CLASP1: variants seen among roughly 807,000 people sequenced by gnomAD.
CLASP1 encodes cytoplasmic linker associated protein 1.
A neutral mutation model predicts 192.3 loss-of-function variants in CLASP1; 38 were observed. The observed-to-expected ratio is 0.20, with a 90% CI of 0.15 to 0.26. The LOEUF (loss-of-function observed/expected upper bound fraction) is 0.26, where lower values mean the gene tolerates loss of function less well. CLASP1 is among the 10% of genes least tolerant of loss of function. The pLI is 1.00. For missense variants in CLASP1, 1,433 were observed against 1,932.5 expected (o/e 0.74, Z 4.85); for synonymous variants, 691 against 712.8 (o/e 0.97, Z 0.49).
chr2:121,396,106 A>G (rs1409503247), intron 30 of CLASP1, among the ~76,000 whole-genome samples: 2 of 152,172 alleles, frequency 1.3e-5, no homozygotes, highest in African/African-American at 4.8e-5. Flanking sequence ...GAGCTCAGAA[A>G]TCTATGTTGA....
intron 2 of CLASP1, chr2:121,531,124 G>C (rs749350798): frequency 1.1e-5 from 7 of 626,058 alleles, no homozygotes; most frequent in African/African-American, 3.6e-5. Context: ...AGTGTCGCAA[G>C]TAAAGTTCTT....
chr2:121,445,323 A>G, intron 19 of CLASP1: 1 of 438,638 alleles, frequency 2.3e-6, no homozygotes, highest in Admixed American at 3.1e-5. Context: ...AGAGAGGAGG[A>G]ACTAGAAGCT....
chr2:121,460,444 G>A (rs973985709), intron 11 of CLASP1, among the ~76,000 whole-genome samples: 5 of 151,900 alleles, frequency 3.3e-5, no homozygotes, highest in Non-Finnish European at 5.9e-5. Flanking sequence ...AAAACTTTTG[G>A]CTTGTGAAAA....
chr2:121,639,626 G>A (rs2071628776), intron 1 of CLASP1, among the ~76,000 whole-genome samples: 1 of 152,096 alleles, frequency 6.6e-6, no homozygotes, highest in South Asian at 2.1e-4. Flanking sequence ...TCTGGGAGGG[G>A]AACAAGGCAG....
At chr2:121,601,340 T>C (rs2063760159) in intron 2 of CLASP1, among the ~76,000 whole-genome samples, 1 of 151,702 alleles carries the variant, frequency 6.6e-6, no homozygotes, top group African/African-American at 2.4e-5. Flanking sequence ...TGCCATGATC[T>C]TGGCTCACTG....
chr2:121,535,806 G>A (rs572883021), intron 2 of CLASP1, among the ~76,000 whole-genome samples: 5 of 151,730 alleles, frequency 3.3e-5, no homozygotes, highest in South Asian at 2.1e-4. Context: ...CTACAGGCGC[G>A]TGCCAACACA....
At chr2:121,544,659 A>G (rs566352195) in intron 2 of CLASP1, among the ~76,000 whole-genome samples, 3 of 152,270 alleles carry the variant, frequency 2.0e-5, no homozygotes, top group Admixed American at 2.0e-4. Flanking sequence ...AGAGACGAAC[A>G]AGCTGTTAGA....
intron 2 of CLASP1, chr2:121,532,851 G>T (rs888569995): frequency 1.3e-5 from 2 of 152,116 alleles, no homozygotes; most frequent in Admixed American, 6.5e-5. Flanking sequence ...ATAATAATGA[G>T]ATATTTGTAA....
chr2:121,407,239 A>G (rs1258971625), intron 25 of CLASP1, among the ~76,000 whole-genome samples: 4 of 152,090 alleles, frequency 2.6e-5, no homozygotes, highest in Middle Eastern at 6.3e-3. Context: ...AGTAAAGAAA[A>G]AAAGGATATT....
chr2:121,391,016 A>T (rs1397795906), intron 30 of CLASP1, among the ~76,000 whole-genome samples: 1 of 152,318 alleles, frequency 6.6e-6, no homozygotes, highest in Non-Finnish European at 1.5e-5. Flanking sequence ...CTATTAAAAC[A>T]TGGTAGTGGT....
chr2:121,646,861 C>T (rs1419521626), intron 1 of CLASP1, among the ~76,000 whole-genome samples: 1 of 150,990 alleles, frequency 6.6e-6, no homozygotes, highest in African/African-American at 2.4e-5. Context: ...CACGGTGAAA[C>T]CCCGTCTCTA....
intron 2 of CLASP1, among the ~76,000 whole-genome samples, chr2:121,604,260 CTCTTT>C (rs2064144964): frequency 6.6e-6 from 1 of 152,222 alleles, no homozygotes; most frequent in African/African-American, 2.4e-5. Context: ...CACCTCTCAT[CTCTTT>C]TAACACTCGC....
intron 2 of CLASP1, among the ~76,000 whole-genome samples, chr2:121,548,938 T>G (rs548439303): frequency 6.6e-6 from 1 of 152,150 alleles, no homozygotes; most frequent in Non-Finnish European, 1.5e-5. Context: ...TGTATTAATA[T>G]AGTAGAAAGG....
At chr2:121,566,398 A>G (rs776310529) in intron 2 of CLASP1, among the ~76,000 whole-genome samples, 6 of 152,216 alleles carry the variant, frequency 3.9e-5, no homozygotes, top group Non-Finnish European at 8.8e-5. Flanking sequence ...GTTAAAAGTA[A>G]TAGTCTGTAA....
chr2:121,547,651 T>C (rs1442490935), intron 2 of CLASP1, among the ~76,000 whole-genome samples: 3 of 152,078 alleles, frequency 2.0e-5, no homozygotes, highest in East Asian at 1.9e-4. Flanking sequence ...CTGCGATCTA[T>C]AGCCAGTACT....
At chr2:121,531,514 G>C (rs1448896136) in intron 2 of CLASP1, among the ~76,000 whole-genome samples, 14 of 150,466 alleles carry the variant, frequency 9.3e-5, no homozygotes. Context: ...AGAATGGCGT[G>C]AATCCGGGGG....
intron 7 of CLASP1, chr2:121,504,812 T>C (rs2093889940): frequency 6.6e-6 from 1 of 152,186 alleles, no homozygotes; most frequent in Non-Finnish European, 1.5e-5. Context: ...GCCCAGATGT[T>C]CCCTCAGAAT....
intron 2 of CLASP1, among the ~76,000 whole-genome samples, chr2:121,575,192 A>C (rs577601370): frequency 6.6e-6 from 1 of 151,160 alleles, no homozygotes; most frequent in Non-Finnish European, 1.5e-5. Context: ...GCTCACTGCA[A>C]CCTCCGCCTC....
At chr2:121,623,923 C>T (rs1299392857) in intron 1 of CLASP1, among the ~76,000 whole-genome samples, 1 of 152,206 alleles carries the variant, frequency 6.6e-6, no homozygotes, top group Admixed American at 6.5e-5. Context: ...ATATATTTCA[C>T]ATGTGTTATC....
Sources: gnomAD v4.1 joint callset for allele counts (sites outside exome capture counted in the v4.1 genomes callset) on GRCh38, gnomAD v4.1.1 for gene constraint, MANE v1.5 for transcripts, NCBI Gene and HGNC (gene_info 2026-07-23, HGNC 2026-07-21) for gene names.